The following COL3A1 variants were observed in gnomAD, a reference collection of about 807,000 sequenced individuals.
The protein encoded by COL3A1 is collagen type III alpha 1 chain.
COL3A1 carries 46 observed loss-of-function variants against 200.9 expected under a neutral mutation model. That is an observed-to-expected ratio of 0.23 (90% confidence interval 0.18 to 0.29). COL3A1 has a LOEUF of 0.29. Among genes scored for constraint, COL3A1 ranks in the 10% least tolerant of loss-of-function variants. The pLI, the probability that COL3A1 is intolerant of heterozygous loss-of-function variation, is 1.00. For synonymous variants in COL3A1, 650 were observed against 628.0 expected, an observed-to-expected ratio of 1.03 and a Z score of -0.52; for missense variants, 1,367 against 1,917.6, an observed-to-expected ratio of 0.71 and a Z score of 5.36.
rs879442767 is a variant in COL3A1 at position 188,985,567 on chromosome 2, T to A, written c.334-98T>A. On this transcript the variant is annotated intron_variant, in intron 3 of 50. Coordinates refer to ENST00000304636, the MANE Select transcript of COL3A1 (RefSeq NM_000090.4). Reference sequence around the variant, plus strand: ...TATAAAGAAAATATATTACTTATATTGTTTCCTAATATTATAAAGTAGAGA... The same window carrying A: ...TATAAAGAAAATATATTACTTATATAGTTTCCTAATATTATAAAGTAGAGA... The A allele has an allele frequency of 1.2e-5, 9 of 778,762 alleles. No homozygotes were observed. The East Asian group carries it at 2.4e-4, about 21-fold the overall frequency. 48.2% of individuals were successfully genotyped at this position (778,762 alleles called of 1,614,324 possible). A position where few individuals can be genotyped will look rare whatever the true frequency, so the allele number is the denominator to read the frequency against.
chr2:189,007,285 G>A (rs1416817912), intron 44 of COL3A1, among the ~76,000 whole-genome samples: 1 of 151,290 alleles, frequency 6.6e-6, no homozygotes, highest in African/African-American at 2.4e-5. Flanking sequence ...TGGAGCCAAG[G>A]ATAGAAACAT....
At chr2:188,985,340 T>C in intron 3 of COL3A1, 93 bp downstream of exon 3, 1 of 967,104 alleles carries the variant, frequency 1.0e-6, no homozygotes, top group Admixed American at 1.8e-5. Flanking sequence ...CATCATACAT[T>C]CTCTTCATTA....
At position 188,992,205 on chromosome 2, in the gene COL3A1, G is replaced by T; in HGVS notation, c.973G>T (p.Ala325Ser). 2 of 1,613,912 alleles carry T rather than the reference G, an allele frequency of 1.2e-6. No homozygotes were observed. The highest frequency in any genetic ancestry group is 1.1e-5 in the South Asian group (1 of 91,070). Residue 325 changes from alanine to serine, a missense_variant, in exon 14 of 51, where the codon GCT (alanine) becomes TCT (serine). Physicochemically the swap from Ala to Ser is moderately conservative, Grantham distance 99 (BLOSUM62 1). Around this residue, in one of 5 missense-constraint regions of COL3A1, gnomAD observed 462 missense variants for 681.4 expected, o/e 0.68. Transcript: ENST00000304636. ...GAAGARGNDGARGSDGQPGPP... is the reference protein window; with the variant it reads ...GAAGARGNDGSRGSDGQPGPP... ...TTAGGGTGCTCGGGGTAATGACGGT[G>T]CTCGAGGCAGTGATGGTCAACCAGT...
At chr2:188,978,853 G>A (rs1378574512) in intron 1 of COL3A1, among the ~76,000 whole-genome samples, 2 of 151,446 alleles carry the variant, frequency 1.3e-5, no homozygotes, top group Non-Finnish European at 2.9e-5. Flanking sequence ...AGATGACAAC[G>A]GAAAAAATGA....
intron 1 of COL3A1, among the ~76,000 whole-genome samples, chr2:188,983,453 C>A (rs1687996653): frequency 6.6e-6 from 1 of 151,820 alleles, no homozygotes; most frequent in Non-Finnish European, 1.5e-5. Flanking sequence ...TGAACATTTA[C>A]TAAATCAGCT....
At chr2:188,997,447 A>G (rs1378803256) in intron 26 of COL3A1, 58 bp downstream of exon 26, 1 of 1,524,070 alleles carries the variant, frequency 6.6e-7, no homozygotes, top group Non-Finnish European at 9.1e-7. Flanking sequence ...GGCAGGAAGA[A>G]TGCTTCAAAA....
chr2:188,992,448 T>C (rs1157820265), intron 14 of COL3A1, among the ~76,000 whole-genome samples: 1 of 152,180 alleles, frequency 6.6e-6, no homozygotes, highest in Non-Finnish European at 1.5e-5. Context: ...CTCCTGTGAT[T>C]AAAACTGACA....
chr2:188,995,933 A>G, intron 22 of COL3A1, 143 bp downstream of exon 22: 1 of 944,640 alleles, frequency 1.1e-6, no homozygotes, highest in Admixed American at 2.4e-5. Context: ...TTTTAAGTAA[A>G]CTTAAGCCGA....
At chr2:189,002,136 C>G (rs1020197814) in intron 34 of COL3A1, among the ~76,000 whole-genome samples, 162 bp from the exon 35 acceptor site, 2 of 152,102 alleles carry the variant, frequency 1.3e-5, no homozygotes, top group African/African-American at 4.8e-5. Context: ...ATTTTCCACT[C>G]CTAATTTTAT....
rs758155916 is a variant in COL3A1, at chr2:188,988,090, G to C, written c.538G>C (p.Gly180Arg). ...CAAATTCACATTCCAGGGCCCCCCA[G>C]GCCCTCCCGGTCCCCCTGGTACATC... is the stretch of plus-strand genomic sequence containing the variant. ...AGYPGPAGPP[G>R]PPGPPGTSGH... Residue 180 changes from glycine (G) to arginine (R), a missense_variant, in exon 6 of 51, where the codon GGC (glycine) becomes CGC (arginine). By Grantham distance (125) the Gly-to-Arg change is moderately radical (BLOSUM62 -2). Transcript: ENST00000304636. 1 of 1,612,354 alleles carries C rather than the reference G, an allele frequency of 6.2e-7. No individual in the cohort carries two copies. Among genetic ancestry groups the C allele is most frequent in the African/African-American group, 1.3e-5 (1 of 74,978 alleles).
rs761195330 is a variant in COL3A1, at chr2:188,999,424, C to T, written c.2121+41C>T. 4 of 1,613,736 alleles carry T rather than the reference C, an allele frequency of 2.5e-6. No homozygotes were observed. The East Asian group carries it at 6.7e-5, about 27-fold the overall frequency. ...TCCATTCACCTAGGTTTAAAAAATGCATTTGATTTCCTTCTGATCATTTAT... is the reference window on the plus strand; with the variant it reads ...TCCATTCACCTAGGTTTAAAAAATGTATTTGATTTCCTTCTGATCATTTAT... On this transcript the variant is annotated intron_variant, in intron 30 of 50. Coordinates refer to ENST00000304636, the MANE Select transcript of COL3A1 (RefSeq NM_000090.4).
intron 50 of COL3A1, 30 bp from the exon 51 acceptor site, chr2:189,011,598 T>C (rs764220287): frequency 6.2e-7 from 1 of 1,613,724 alleles, no homozygotes; most frequent in South Asian, 1.1e-5. Context: ...TGTAATGTCA[T>C]GATCATGTAC....
chr2:189,010,383 T>C lies in COL3A1; in HGVS notation c.4011+18T>C. The stretch of plus-strand genomic sequence containing the variant: ...GTTTTCAGGTAGGAAAGGATATACC[T>C]TTTTTTAAATAAGTCACCTCTATAT... On this transcript the variant is annotated intron_variant, in intron 49 of 50. Coordinates refer to ENST00000304636, the MANE Select transcript of COL3A1 (RefSeq NM_000090.4). 6.2e-7 allele frequency: 1 copy of C among 1,611,040 alleles called. No homozygotes were observed. Among genetic ancestry groups the C allele is most frequent in the Non-Finnish European group, 8.5e-7 (1 of 1,177,252 alleles).
intron 1 of COL3A1, among the ~76,000 whole-genome samples, chr2:188,976,427 G>A (rs777822862): frequency 2.6e-4 from 40 of 152,106 alleles, no homozygotes; most frequent in Non-Finnish European, 7.4e-5. Flanking sequence ...CTCAAAAAGA[G>A]TTGAAAGAGA....
intron 14 of COL3A1, 111 bp downstream of exon 14, chr2:188,992,339 G>T: frequency 1.1e-6 from 1 of 921,806 alleles, no homozygotes; most frequent in South Asian, 1.5e-5. Flanking sequence ...ATATGCATAT[G>T]TATATCTCTA....
intron 50 of COL3A1, 79 bp downstream of exon 50, chr2:189,010,969 T>A (rs3768660): frequency 3.3e-6 from 5 of 1,534,094 alleles, no homozygotes; most frequent in Non-Finnish European, 1.8e-6. Flanking sequence ...TTGAATAGAA[T>A]AAATAAAATT....
At chr2:188,995,987 C>A (rs1478935604) in intron 22 of COL3A1, 138 bp from the exon 23 acceptor site, 3 of 959,426 alleles carry the variant, frequency 3.1e-6, no homozygotes, top group African/African-American at 3.3e-5. Context: ...GCCTTAGATA[C>A]TTTATAGACA....
Position 189,007,927 on chromosome 2 carries a change from G to A in COL3A1, c.3406G>A (p.Ala1136Thr). Reference sequence around the variant, plus strand: ...GGGTGCAATCGGCAGTCCAGGACCTGCAGGCCCCAGAGTAAGTAGCACAGA... The same window carrying A: ...GGGTGCAATCGGCAGTCCAGGACCTACAGGCCCCAGAGTAAGTAGCACAGA... ...QQGAIGSPGP[A>T]GPRGPVGPSG... Residue 1136 changes from alanine to threonine, a missense_variant, in exon 46 of 51, where the codon GCA (alanine) becomes ACA (threonine). Around this residue, in one of 5 missense-constraint regions of COL3A1, gnomAD observed 846 missense variants for 1,147.9 expected, o/e 0.74. Transcript: ENST00000304636. 6.2e-7 allele frequency: 1 copy of A among 1,614,150 alleles called. No homozygotes were observed. Among genetic ancestry groups the A allele is most frequent in the Non-Finnish European group, 8.5e-7 (1 of 1,180,016 alleles).
At position 189,010,665 on chromosome 2, in the gene COL3A1, T is replaced by A. The variant is rs1183988800; in HGVS notation, c.4029T>A (p.Pro1343=). 6.2e-7 allele frequency: 1 copy of A among 1,614,196 alleles called. No homozygotes were observed. Among genetic ancestry groups the A allele is most frequent in the Admixed American group, 1.7e-5 (1 of 60,030 alleles). Residue 1343 remains proline, a synonymous_variant, in exon 50 of 51, where the codon CCT becomes CCA. Coordinates refer to ENST00000304636, the MANE Select transcript of COL3A1 (RefSeq NM_000090.4). The stretch of plus-strand genomic sequence containing the variant: ...TATTACAGTTTAGCTACGGCAATCC[T>A]GAACTTCCTGAAGATGTCCTTGATG... The part of the protein sequence containing the change: ...DGGFQFSYGN[P]ELPEDVLDVH...
Sources: gnomAD v4.1 joint callset for allele counts (sites outside exome capture counted in the v4.1 genomes callset) on GRCh38, gnomAD v4.1.1 for gene constraint, gnomAD v4.1.1 regional missense constraint, MANE v1.5 for transcripts, NCBI Gene and HGNC (gene_info 2026-07-23, HGNC 2026-07-21) for gene names.